Variants in DTNA observed in about 807,000 individuals in gnomAD.
The protein encoded by DTNA is dystrophin-related protein 3.
A neutral mutation model predicts 100.7 loss-of-function variants in DTNA; 43 were observed. The observed-to-expected ratio is 0.43, with a 90% CI of 0.33 to 0.55. The LOEUF is 0.55. Among genes scored for constraint, DTNA ranks in the 20% least tolerant of loss-of-function variants. The pLI is 0.04. For synonymous variants in DTNA, 349 were observed against 347.9 expected (o/e 1.00, Z -0.04); for missense variants, 798 against 953.9 (o/e 0.84, Z 2.15).
chr18:34,782,434 G>GA, intron 3 of DTNA, among the ~76,000 whole-genome samples: 1 of 152,170 alleles, frequency 6.6e-6, no homozygotes, highest in Non-Finnish European at 1.5e-5. Flanking sequence ...AAACATTCAG[G>GA]AAAAAACTTG....
At chr18:34,672,123 A>G (rs1472061642) in intron 1 of DTNA, among the ~76,000 whole-genome samples, 1 of 152,204 alleles carries the variant, frequency 6.6e-6, no homozygotes, top group Non-Finnish European at 1.5e-5. Context: ...TGTCCTGATC[A>G]GCAAAAATAC....
At chr18:34,702,055 G>A (rs76410354) in intron 1 of DTNA, among the ~76,000 whole-genome samples, 3,660 of 151,600 alleles carry the variant, frequency 0.024, 141 homozygotes, top group African/African-American at 0.084. Context: ...TCCCTAACAT[G>A]GGCTTCAAAG....
At chr18:34,674,578 T>G (rs1212632990) in intron 1 of DTNA, among the ~76,000 whole-genome samples, 2 of 152,186 alleles carry the variant, frequency 1.3e-5, no homozygotes, top group African/African-American at 4.8e-5. Flanking sequence ...ACTACAACTT[T>G]CTAAGCCACT....
chr18:34,868,831 C>T (rs1222474780), intron 17 of DTNA: 1 of 910,674 alleles, frequency 1.1e-6, no homozygotes, highest in African/African-American at 1.8e-5. Flanking sequence ...ATCCTACCCT[C>T]TTTCTTCTTT....
chr18:34,667,680 A>G (rs2076136902), intron 1 of DTNA, among the ~76,000 whole-genome samples: 2 of 152,174 alleles, frequency 1.3e-5, no homozygotes, highest in African/African-American at 2.4e-5. Context: ...TATTTAGATA[A>G]TCATGTGGTT....
At chr18:34,883,788 T>C (rs149738517) in intron 21 of DTNA, among the ~76,000 whole-genome samples, 28 of 152,304 alleles carry the variant, frequency 1.8e-4, no homozygotes, top group African/African-American at 6.3e-4. Context: ...ATCCCAGCAA[T>C]ATAAAAACAA....
In DTNA at chr18:34,888,960, G is replaced by C. The variant is rs908607175; in HGVS notation, c.*1226G>C. On this transcript the variant is annotated 3_prime_UTR_variant, in exon 23 of 23. Coordinates refer to ENST00000444659, the MANE Select transcript of DTNA (RefSeq NM_001386795.1). ...GAGACAGGCTCTTCTAAGTTGAGTTGGGATTTTTGCACTCAGTGAAAAGCT... is the reference window on the plus strand; with the variant it reads ...GAGACAGGCTCTTCTAAGTTGAGTTCGGATTTTTGCACTCAGTGAAAAGCT... 1.0e-6 allele frequency: 1 copy of C among 985,700 alleles called. No individual in the cohort carries two copies. The highest frequency in any genetic ancestry group is 1.7e-5 in the African/African-American group (1 of 57,230). 61.1% of individuals were successfully genotyped at this position (985,700 alleles called of 1,614,324 possible). A position where few individuals can be genotyped will look rare whatever the true frequency, so the allele number is the denominator to read the frequency against.
At chr18:34,504,986 C>T (rs956964221) in intron 1 of DTNA, among the ~76,000 whole-genome samples, 1 of 152,154 alleles carries the variant, frequency 6.6e-6, no homozygotes, top group Non-Finnish European at 1.5e-5. Flanking sequence ...TTGTTATTGT[C>T]ACACATTGTA....
chr18:34,670,921 C>T (rs1242269987), intron 1 of DTNA, among the ~76,000 whole-genome samples: 1 of 152,196 alleles, frequency 6.6e-6, no homozygotes, highest in Non-Finnish European at 1.5e-5. Context: ...AAACTCTGTA[C>T]TGGGAGAACC....
chr18:34,677,638 A>C (rs1020425552), intron 1 of DTNA, among the ~76,000 whole-genome samples: 1 of 152,186 alleles, frequency 6.6e-6, no homozygotes, highest in African/African-American at 2.4e-5. Context: ...ATTTTAATAT[A>C]TAATTTATTC....
chr18:34,683,305 T>C (rs1339625020), intron 1 of DTNA, among the ~76,000 whole-genome samples: 1 of 152,216 alleles, frequency 6.6e-6, no homozygotes, highest in East Asian at 1.9e-4. Context: ...TGATAACTAA[T>C]CAATTCACTC....
chr18:34,794,013 G>A (rs1286658884), intron 3 of DTNA, 24 bp from the exon 4 acceptor site: 1 of 1,610,508 alleles, frequency 6.2e-7, no homozygotes, highest in Non-Finnish European at 8.5e-7. Context: ...TTGGGCTGAT[G>A]TGTTAACTCT....
In DTNA at chr18:34,889,361, A is replaced by T; in HGVS notation, c.*1627A>T. The stretch of plus-strand genomic sequence containing the variant: ...CAGAAGCTCTGGGGGTTGGGTCCAG[A>T]AGTCTGTTTTAGTCAACCCTCTAGG... On this transcript the variant is annotated 3_prime_UTR_variant, in exon 23 of 23. Coordinates refer to ENST00000444659, the MANE Select transcript of DTNA (RefSeq NM_001386795.1). The T allele has an allele frequency of 1.0e-6, 1 of 984,062 alleles. No homozygotes were observed. The highest frequency in any genetic ancestry group is 1.1e-4 in the East Asian group (1 of 8,794). The allele number at this position is 984,062 out of a possible 1,614,324, so 61.0% of individuals were successfully genotyped here.
At chr18:34,879,045 T>A (rs2096846807) in intron 19 of DTNA, among the ~76,000 whole-genome samples, 1 of 152,226 alleles carries the variant, frequency 6.6e-6, no homozygotes. Context: ...CCCTAGCAAA[T>A]GATGAGTACA....
chr18:34,821,401 T>TG (rs919759831), intron 9 of DTNA: 1 of 455,968 alleles, frequency 2.2e-6, no homozygotes. Context: ...TCATAGCCTG[T>TG]GCAGGGGAAG....
chr18:34,793,984 G>A, intron 3 of DTNA, 53 bp from the exon 4 acceptor site: 1 of 1,572,728 alleles, frequency 6.4e-7, no homozygotes, highest in South Asian at 1.1e-5. Flanking sequence ...GTAAACTGAT[G>A]TATTTGCCTT....
chr18:34,566,128 C>G (rs2047061595), intron 1 of DTNA, among the ~76,000 whole-genome samples: 1 of 152,146 alleles, frequency 6.6e-6, no homozygotes, highest in African/African-American at 2.4e-5. Flanking sequence ...ATTGCCAATG[C>G]AAGCTGTGTG....
intron 1 of DTNA, among the ~76,000 whole-genome samples, chr18:34,527,296 A>G (rs2042719441): frequency 6.6e-6 from 1 of 152,022 alleles, no homozygotes; most frequent in African/African-American, 2.4e-5. Context: ...CTCAAGTCAT[A>G]CTTCCCACAA....
chr18:34,855,688 A>G (rs1475208861), intron 15 of DTNA, among the ~76,000 whole-genome samples: 14 of 152,210 alleles, frequency 9.2e-5, no homozygotes, highest in Admixed American at 9.2e-4. Context: ...AAGGAGGTCA[A>G]CCCTGACCAG....
Sources: allele counts gnomAD v4.1 joint callset (sites outside exome capture counted in the v4.1 genomes callset), GRCh38; gene constraint gnomAD v4.1.1; transcripts MANE v1.5; gene names NCBI Gene and HGNC (gene_info 2026-07-23, HGNC 2026-07-21).